Variants in CENPN observed in about 807,000 individuals in gnomAD.
CENPN encodes the protein centromere protein N, also known as interphase centromere complex protein 32.
CENPN carries 36 observed loss-of-function variants against 48.6 expected under a neutral mutation model. The ratio of observed to expected loss-of-function variants is 0.74; its 90% CI spans 0.57 to 0.98. CENPN has a LOEUF of 0.98. CENPN is among the 50% of genes least tolerant of loss of function. CENPN has a pLI of 0.00. For missense variants in CENPN, 439 were observed against 399.2 expected (o/e 1.10, Z -0.85); for synonymous variants, 166 against 135.2 (o/e 1.23, Z -1.58).
chr16:81,012,142 A>G, intron 2 of CENPN, 32 bp downstream of exon 2: 2 of 1,596,768 alleles, frequency 1.3e-6, no homozygotes, highest in Non-Finnish European at 1.7e-6. Context: ...AGCCTTGAAC[A>G]GAGTGCTACC....
At chr16:81,009,136 G>A (rs1969636260) in intron 1 of CENPN, among the ~76,000 whole-genome samples, 2 of 152,182 alleles carry the variant, frequency 1.3e-5, no homozygotes, top group Non-Finnish European at 1.5e-5. Flanking sequence ...GAATCTGGGA[G>A]GCAGAGGCTG....
chr16:81,022,948 A>C, intron 7 of CENPN: 1 of 1,410,064 alleles, frequency 7.1e-7, no homozygotes, highest in Non-Finnish European at 9.6e-7. Flanking sequence ...TCAGCTTCCA[A>C]ATCACCTGAT....
At chr16:81,031,577 G>A (rs554824283), downstream of CENPN, 10 of 152,272 alleles carry the variant, frequency 6.6e-5, no homozygotes, top group East Asian at 1.9e-4. Context: ...GTTCTGGTGC[G>A]GCCACGGATT....
At chr16:81,007,630 C>A (rs1326782470) in intron 1 of CENPN, among the ~76,000 whole-genome samples, 1 of 152,208 alleles carries the variant, frequency 6.6e-6, no homozygotes, top group African/African-American at 2.4e-5. Context: ...TCTGTCACCT[C>A]GGCTTCCGTC....
intron 1 of CENPN, among the ~76,000 whole-genome samples, chr16:81,008,795 G>A (rs1483468504): frequency 6.6e-6 from 1 of 152,234 alleles, no homozygotes; most frequent in Non-Finnish European, 1.5e-5. Context: ...ACTGACTATA[G>A]TGAGGCAGTT....
intron 8 of CENPN, among the ~76,000 whole-genome samples, chr16:81,025,416 A>C (rs1478691996): frequency 6.6e-6 from 1 of 152,234 alleles, no homozygotes; most frequent in Admixed American, 6.5e-5. Context: ...CTCTTAGTAG[A>C]GATTTGGCAA....
chr16:81,026,514 T>G lies in CENPN; in HGVS notation c.698-12T>G, dbSNP rs1970502128. On this transcript the variant is annotated splice_polypyrimidine_tract_variant and intron_variant, in intron 8 of 10. Coordinates refer to ENST00000305850, the MANE Select transcript of CENPN (RefSeq NM_001100624.3). ...CCTAACGGCTGTTTTATTTGAAATC[T>G]TCCACCCATAGTGGATTCAAGGATC... is the stretch of plus-strand genomic sequence containing the variant. The G allele has an allele frequency of 1.5e-6, 2 of 1,346,516 alleles. No individual in the cohort carries two copies. The highest frequency in any genetic ancestry group is 2.1e-6 in the Non-Finnish European group (2 of 948,962). The allele number at this position is 1,346,516 out of a possible 1,614,324, so 83.4% of individuals were successfully genotyped here.
At chr16:81,028,458 G>A in intron 10 of CENPN, 111 bp from the exon 11 acceptor site, 1 of 1,507,150 alleles carries the variant, frequency 6.6e-7, no homozygotes, top group Non-Finnish European at 9.0e-7. Flanking sequence ...TAGGGAGGAG[G>A]GGCATCTATG....
intron 1 of CENPN, 56 bp from the exon 2 acceptor site, chr16:81,011,874 C>A: frequency 7.1e-7 from 1 of 1,402,842 alleles, no homozygotes; most frequent in Non-Finnish European, 1.0e-6. Flanking sequence ...TAAATAAAGA[C>A]AGACAAGTAT....
chr16:81,008,617 C>T (rs920174876), intron 1 of CENPN, among the ~76,000 whole-genome samples: 1 of 152,132 alleles, frequency 6.6e-6, no homozygotes. Flanking sequence ...AGTGATACAC[C>T]ACGCCCGGCG....
chr16:81,010,356 G>T (rs1338713080), intron 1 of CENPN, among the ~76,000 whole-genome samples: 1 of 152,110 alleles, frequency 6.6e-6, no homozygotes, highest in African/African-American at 2.4e-5. Context: ...AATGATAAAA[G>T]AGCTCAGAAT....
At chr16:81,017,694 A>C (rs1969990317) in intron 4 of CENPN, 64 bp from the exon 5 acceptor site, 3 of 1,119,904 alleles carry the variant, frequency 2.7e-6, no homozygotes, top group Non-Finnish European at 4.0e-6. Context: ...GTACTTTACG[A>C]ATGTATTTAC....
intron 1 of CENPN, among the ~76,000 whole-genome samples, chr16:81,011,546 ACTCT>A (rs1969740575): frequency 6.6e-6 from 1 of 152,226 alleles, no homozygotes; most frequent in Admixed American, 6.5e-5. Context: ...ACATCAAAAT[ACTCT>A]AGCCAGAAAA....
Position 81,029,227 on chromosome 16 carries a change from A to G in CENPN, c.*576A>G. On this transcript the variant is annotated 3_prime_UTR_variant, in exon 11 of 11. Coordinates refer to ENST00000305850, the MANE Select transcript of CENPN (RefSeq NM_001100624.3). The stretch of plus-strand genomic sequence containing the variant: ...AAATAGTGTTCTTATTGTAAATATG[A>G]TACTTCTCATAATCTATTTTATCAT... The G allele has an allele frequency of 4.4e-6, 4 of 915,498 alleles. No homozygotes were observed. Among genetic ancestry groups the G allele is most frequent in the African/African-American group, 1.8e-5 (1 of 55,994 alleles). The allele number at this position is 915,498 out of a possible 1,614,324, so 56.7% of individuals were successfully genotyped here.
intron 8 of CENPN, 78 bp downstream of exon 8, chr16:81,024,856 G>A (rs562712580): frequency 3.6e-5 from 32 of 889,802 alleles, no homozygotes; most frequent in South Asian, 6.3e-5. Flanking sequence ...GGTAAAACGT[G>A]TATAGTAGGA....
rs766506681 is a variant in CENPN, at chr16:81,020,243, C to A, written c.498C>A (p.Ser166=). 155 of 1,613,254 alleles carry A rather than the reference C, an allele frequency of 9.6e-5. No homozygotes were observed. The Admixed American group carries it at 2.5e-3, about 26-fold the overall frequency. ...CTCCGTACGCCTTCACGTCCTCCTC[C>A]ATGCTGAGGCGCAATACACCGCTTC... The part of the protein sequence containing the change: ...SQTPYAFTSS[S]MLRRNTPLLG... The change falls in exon 6 of 11, where the codon TCC becomes TCA. Residue 166 remains serine, a synonymous_variant. Coordinates refer to ENST00000305850, the MANE Select transcript of CENPN (RefSeq NM_001100624.3).
intron 1 of CENPN, 144 bp from the exon 2 acceptor site, chr16:81,011,786 T>A: frequency 3.3e-6 from 2 of 614,044 alleles, no homozygotes; most frequent in South Asian, 5.0e-5. Flanking sequence ...GTGGATTGCT[T>A]GAGCCTAAGA....
At chr16:81,032,687 G>T (rs1252128649), downstream of CENPN, 3 of 1,603,358 alleles carry the variant, frequency 1.9e-6, no homozygotes, top group South Asian at 2.2e-5. Context: ...TTGTATCCAA[G>T]ATGTTAAAAT....
intron 10 of CENPN, 103 bp from the exon 11 acceptor site, chr16:81,028,466 A>G (rs1970612724): frequency 3.3e-6 from 5 of 1,534,752 alleles, no homozygotes; most frequent in African/African-American, 2.8e-5. Flanking sequence ...AGGGGCATCT[A>G]TGATCCACCC....
Sources: gnomAD v4.1 joint callset for allele counts (sites outside exome capture counted in the v4.1 genomes callset) on GRCh38, gnomAD v4.1.1 for gene constraint, MANE v1.5 for transcripts, NCBI Gene and HGNC (gene_info 2026-07-23, HGNC 2026-07-21) for gene names.